IL34: variants seen among roughly 807,000 people sequenced by gnomAD.
The protein encoded by IL34 is interleukin-34.
Under a neutral mutation model 25.3 loss-of-function variants are expected in IL34, and 17 were observed. That is an observed-to-expected ratio of 0.67 (90% CI 0.46 to 1.01). IL34 has a LOEUF of 1.01. IL34 is among the 50% of genes least tolerant of loss of function. IL34 has a pLI of 0.00. For missense variants in IL34, 368 were observed against 312.9 expected, an observed-to-expected ratio of 1.18 and a Z score of -1.33; for synonymous variants, 174 against 140.9, an observed-to-expected ratio of 1.23 and a Z score of -1.66.
chr16:70,616,581 AAG>A (rs2051175848), intron 1 of IL34, among the ~76,000 whole-genome samples: 1 of 152,186 alleles, frequency 6.6e-6, no homozygotes, highest in Admixed American at 6.5e-5. Context: ...TGAGTCCGAA[AAG>A]AGAGTCAGCA....
At chr16:70,632,083 T>C (rs1332011204) in intron 1 of IL34, among the ~76,000 whole-genome samples, 6 of 138,834 alleles carry the variant, frequency 4.3e-5, no homozygotes, top group Non-Finnish European at 7.6e-5. Context: ...GCCTGGGTGA[T>C]AGAGTGAGAC....
intron 1 of IL34, among the ~76,000 whole-genome samples, chr16:70,649,364 T>A (rs1256092435): frequency 6.6e-6 from 1 of 152,188 alleles, no homozygotes; most frequent in East Asian, 1.9e-4. Flanking sequence ...TAGTAACTTT[T>A]GGGACATTGG....
At chr16:70,613,069 G>C (rs11646648) in intron 1 of IL34, among the ~76,000 whole-genome samples, 7,945 of 152,266 alleles carry the variant, frequency 0.052, 304 homozygotes, top group Non-Finnish European at 0.071. Context: ...CACTGTGCCC[G>C]GCCTCAGACC....
chr16:70,659,942 G>A (rs1299971536), intron 5 of IL34, 55 bp from the exon 6 acceptor site: 2 of 1,513,662 alleles, frequency 1.3e-6, no homozygotes, highest in African/African-American at 2.8e-5. Context: ...GCTTAGTGGG[G>A]AGGGTGGTCT....
intron 1 of IL34, among the ~76,000 whole-genome samples, chr16:70,617,467 ATAG>A (rs1440468539): frequency 6.6e-6 from 1 of 152,156 alleles, no homozygotes; most frequent in African/African-American, 2.4e-5. Flanking sequence ...TAGACAGAAG[ATAG>A]TAGGGATGAC....
chr16:70,589,276 G>T (rs1176445836), intron 1 of IL34, among the ~76,000 whole-genome samples: 1 of 152,016 alleles, frequency 6.6e-6, no homozygotes, highest in African/African-American at 2.4e-5. Context: ...TTAGATTCGG[G>T]GGTACATGTG....
At chr16:70,641,975 C>T (rs1009743701), upstream of IL34, among the ~76,000 whole-genome samples, 3 of 152,132 alleles carry the variant, frequency 2.0e-5, no homozygotes, top group African/African-American at 7.2e-5. Context: ...GATATTCATG[C>T]AAGGGAGCAT....
chr16:70,605,452 C>T (rs2050988712), intron 1 of IL34, among the ~76,000 whole-genome samples: 1 of 152,162 alleles, frequency 6.6e-6, no homozygotes, highest in South Asian at 2.1e-4. Context: ...ATCATCATCG[C>T]TATCCAGTTC....
intron 1 of IL34, among the ~76,000 whole-genome samples, chr16:70,648,722 G>A (rs2052005193): frequency 6.6e-6 from 1 of 152,030 alleles, no homozygotes; most frequent in Non-Finnish European, 1.5e-5. Flanking sequence ...CCAGGGGCTG[G>A]GGTGCTGAGG....
intron 1 of IL34, among the ~76,000 whole-genome samples, chr16:70,583,316 T>C (rs1045478362): frequency 6.6e-6 from 1 of 151,986 alleles, no homozygotes; most frequent in Middle Eastern, 3.2e-3. Context: ...CTTCTCCATG[T>C]TGCCCAGGCT....
chr16:70,650,046 A>C (rs2052040208), intron 1 of IL34, among the ~76,000 whole-genome samples: 1 of 152,088 alleles, frequency 6.6e-6, no homozygotes, highest in South Asian at 2.1e-4. Context: ...TGATCCGCCC[A>C]CCTCGGCCTT....
chr16:70,595,609 C>G (rs183744290), intron 1 of IL34, among the ~76,000 whole-genome samples: 1 of 152,102 alleles, frequency 6.6e-6, no homozygotes, highest in East Asian at 1.9e-4. Flanking sequence ...TGAGCCACTG[C>G]GCCAGGGCTC....
At chr16:70,610,021 C>T (rs780015585) in intron 1 of IL34, among the ~76,000 whole-genome samples, 5 of 152,006 alleles carry the variant, frequency 3.3e-5, no homozygotes, top group Admixed American at 6.6e-5. Flanking sequence ...CTGGCCAACA[C>T]GGCGAAACCG....
intron 1 of IL34, among the ~76,000 whole-genome samples, chr16:70,593,188 G>T (rs900417314): frequency 1.3e-5 from 2 of 151,938 alleles, no homozygotes; most frequent in Non-Finnish European, 2.9e-5. Flanking sequence ...AGAGTTCTTT[G>T]TATATTTTAG....
chr16:70,620,857 G>T (rs1297733581), intron 1 of IL34, among the ~76,000 whole-genome samples: 1 of 152,118 alleles, frequency 6.6e-6, no homozygotes, highest in African/African-American at 2.4e-5. Context: ...AGTTGAAGAG[G>T]TTTTAAGTTT....
chr16:70,644,831 G>T (rs559521358), upstream of IL34, among the ~76,000 whole-genome samples: 2 of 145,694 alleles, frequency 1.4e-5, no homozygotes, highest in Non-Finnish European at 3.0e-5. Context: ...GAGGAGGAAG[G>T]AGGAAGAGGA....
chr16:70,622,417 G>A (rs12596931), intron 1 of IL34, among the ~76,000 whole-genome samples: 59,030 of 151,364 alleles, frequency 0.39, 12,285 homozygotes, highest in South Asian at 0.61. Context: ...ACACCGAGAA[G>A]TTATTTCCTT....
intron 1 of IL34, among the ~76,000 whole-genome samples, chr16:70,617,589 C>T (rs2051192954): frequency 6.6e-6 from 1 of 152,174 alleles, no homozygotes; most frequent in South Asian, 2.1e-4. Flanking sequence ...CCCCCTGTAG[C>T]ATTCCGAAGA....
At chr16:70,625,057 G>A (rs2051361856) in intron 1 of IL34, among the ~76,000 whole-genome samples, 1 of 152,070 alleles carries the variant, frequency 6.6e-6, no homozygotes, top group South Asian at 2.1e-4. Flanking sequence ...GATTTTGCAG[G>A]ATGGAAAAAT....
Sources: allele counts gnomAD v4.1 joint callset (sites outside exome capture counted in the v4.1 genomes callset), GRCh38; gene constraint gnomAD v4.1.1; transcripts MANE v1.5; gene names NCBI Gene and HGNC (gene_info 2026-07-23, HGNC 2026-07-21).